NFAT5: variants seen among roughly 807,000 people sequenced by gnomAD.
The protein encoded by NFAT5 is nuclear factor of activated T cells 5.
A neutral mutation model predicts 166.5 loss-of-function variants in NFAT5; 31 were observed. The ratio of observed to expected loss-of-function variants is 0.19; its 90% CI spans 0.14 to 0.25. NFAT5 has a LOEUF of 0.25. Among genes scored for constraint, NFAT5 ranks in the 10% least tolerant of loss-of-function variants. NFAT5 has a pLI of 1.00. For missense variants in NFAT5, 1,449 were observed against 1,821.8 expected, an observed-to-expected ratio of 0.80 and a Z score of 3.72; for synonymous variants, 612 against 639.7, an observed-to-expected ratio of 0.96 and a Z score of 0.65.
chr16:69,568,780 T>C (rs144612294), intron 2 of NFAT5, among the ~76,000 whole-genome samples: 1,580 of 152,310 alleles, frequency 0.01, 10 homozygotes, highest in Non-Finnish European at 0.015. Context: ...AAAAAATCAT[T>C]TTAAATTATG....
At chr16:69,688,088 C>G (rs1006856536) in intron 11 of NFAT5, among the ~76,000 whole-genome samples, 33 of 149,162 alleles carry the variant, frequency 2.2e-4, no homozygotes, top group Admixed American at 1.5e-3. Flanking sequence ...CCCAGCTACT[C>G]GGGAGGCTGA....
chr16:69,657,881 C>T (rs1026523819), intron 6 of NFAT5, among the ~76,000 whole-genome samples: 6 of 150,792 alleles, frequency 4.0e-5, no homozygotes, highest in African/African-American at 9.7e-5. Context: ...GTCAGGAGAT[C>T]GAGACCATCC....
intron 9 of NFAT5, among the ~76,000 whole-genome samples, chr16:69,676,063 A>G (rs530885364): frequency 6.6e-6 from 1 of 152,308 alleles, no homozygotes; most frequent in African/African-American, 2.4e-5. Context: ...TTTCTATTCA[A>G]CTGAGTCAAC....
chr16:69,631,085 T>TATATTTTTTTAAA (rs2034693289), intron 3 of NFAT5, among the ~76,000 whole-genome samples: 1 of 152,228 alleles, frequency 6.6e-6, no homozygotes, highest in Non-Finnish European at 1.5e-5. Flanking sequence ...TTTTTCTAAG[T>TATATTTTTTTAAA]GGACTGTTTG....
intron 9 of NFAT5, among the ~76,000 whole-genome samples, chr16:69,673,968 G>A (rs757249955): frequency 6.6e-6 from 1 of 151,842 alleles, no homozygotes; most frequent in Non-Finnish European, 1.5e-5. Flanking sequence ...ATATTGCCAG[G>A]CGTGTGGCTC....
intron 6 of NFAT5, 133 bp from the exon 7 acceptor site, chr16:69,659,594 G>T: frequency 1.7e-6 from 1 of 591,694 alleles, no homozygotes; most frequent in Non-Finnish European, 2.7e-6. Flanking sequence ...TTTTGAACTT[G>T]GAACTTTGTA....
intron 9 of NFAT5, among the ~76,000 whole-genome samples, chr16:69,676,396 A>G (rs539073864): frequency 6.6e-6 from 1 of 152,326 alleles, no homozygotes; most frequent in East Asian, 1.9e-4. Flanking sequence ...ACTGAACCCA[A>G]TTTGACTTAA....
Position 69,693,440 on chromosome 16 carries a change from A to G in NFAT5, c.3615A>G (p.Pro1205=). 6.2e-7 allele frequency: 1 copy of G among 1,614,180 alleles called. No homozygotes were observed. Among genetic ancestry groups the G allele is most frequent in the South Asian group, 1.1e-5 (1 of 91,076 alleles). Residue 1205 remains proline, a synonymous_variant, in exon 13 of 15, where the codon CCA becomes CCG. Coordinates refer to ENST00000349945, the MANE Select transcript of NFAT5 (RefSeq NM_138713.4). ...EQQAAFQQQA[P]ISHIQTPMLS... ...AAGCTGCTTTCCAACAGCAAGCTCC[A>G]ATATCACACATCCAGACTCCTATGC...
chr16:69,684,630 CCTTG>C (rs1478224984), intron 10 of NFAT5, among the ~76,000 whole-genome samples: 1 of 151,968 alleles, frequency 6.6e-6, no homozygotes, highest in Admixed American at 6.6e-5. Flanking sequence ...TGATCACCCG[CCTTG>C]GCTTCCCAAA....
intron 9 of NFAT5, among the ~76,000 whole-genome samples, chr16:69,675,855 G>T (rs1197187882): frequency 2.6e-5 from 4 of 152,146 alleles, no homozygotes; most frequent in African/African-American, 7.2e-5. Flanking sequence ...TAACCAGGCT[G>T]TTCTCAAGCT....
chr16:69,660,596 A>C (rs146696931), intron 7 of NFAT5, among the ~76,000 whole-genome samples: 1 of 152,202 alleles, frequency 6.6e-6, no homozygotes, highest in Non-Finnish European at 1.5e-5. Flanking sequence ...AGAAGTTTCA[A>C]TTATTAATTA....
At chr16:69,648,370 A>G (rs2035535416) in intron 4 of NFAT5, 3 of 982,198 alleles carry the variant, frequency 3.1e-6, no homozygotes, top group Non-Finnish European at 1.2e-6. Context: ...CTAAATTGAG[A>G]GTTTGATTCT....
chr16:69,615,941 A>G (rs535430540), intron 2 of NFAT5, among the ~76,000 whole-genome samples: 80 of 152,026 alleles, frequency 5.3e-4, no homozygotes, highest in African/African-American at 1.9e-3. Context: ...CCTCCAGTCT[A>G]CTTGGTTTCT....
rs753332058 is a variant in NFAT5, at chr16:69,694,258, T to C, written c.4414+19T>C. On this transcript the variant is annotated intron_variant, in intron 13 of 14. Transcript: ENST00000349945. Reference sequence around the variant, plus strand: ...CAAAATAGTAAGAAACTCTAATTTTTCATTACTTAATTGGTCATTATTATT... The same window carrying C: ...CAAAATAGTAAGAAACTCTAATTTTCCATTACTTAATTGGTCATTATTATT... 1.9e-6 allele frequency: 3 copies of C among 1,566,170 alleles called. No individual in the cohort carries two copies. The highest frequency in any genetic ancestry group is 2.6e-6 in the Non-Finnish European group (3 of 1,147,244).
intron 2 of NFAT5, among the ~76,000 whole-genome samples, chr16:69,605,814 C>T (rs916840456): frequency 6.6e-6 from 1 of 151,982 alleles, no homozygotes; most frequent in Non-Finnish European, 1.5e-5. Flanking sequence ...CCCGGGTTCA[C>T]GCCATTCTCC....
At position 69,702,975 on chromosome 16, in the gene NFAT5, A is replaced by G. The variant is rs1465797736; in HGVS notation, c.*6624A>G. 1 of 152,692 alleles carries G rather than the reference A, an allele frequency of 6.5e-6. No individual in the cohort carries two copies. The highest frequency in any genetic ancestry group is 6.5e-5 in the Admixed American group (1 of 15,284). 9.5% of individuals were successfully genotyped at this position (152,692 alleles called of 1,614,324 possible). ...TTTACATTAAATGACTGATTTAAAT[A>G]TATAGGTGCAATGTTCTATGTTTAT... On this transcript the variant is annotated 3_prime_UTR_variant, in exon 15 of 15. Coordinates refer to ENST00000349945, the MANE Select transcript of NFAT5 (RefSeq NM_138713.4).
chr16:69,693,355 C>T lies in NFAT5; in HGVS notation c.3530C>T (p.Ala1177Val), dbSNP rs1393977626. Residue 1177 changes from alanine (A) to valine (V), a missense_variant, in exon 13 of 15, where the codon GCA becomes GTA. Ala to Val is a moderately conservative substitution (Grantham distance 64, BLOSUM62 0). This residue lies in a region of NFAT5 where 891 missense variants were observed against 993.0 expected (regional missense o/e 0.90). Coordinates refer to ENST00000349945, the MANE Select transcript of NFAT5 (RefSeq NM_138713.4). Reference sequence around the variant, plus strand: ...CAGACTAACACAGTAGCCCAAGAAGCATTTTTTGCAGCACCGAACTCAATT... The same window carrying T: ...CAGACTAACACAGTAGCCCAAGAAGTATTTTTTGCAGCACCGAACTCAATT... ...NLQTNTVAQE[A>V]FFAAPNSISP... 6.2e-7 allele frequency: 1 copy of T among 1,614,154 alleles called. No homozygotes were observed. The highest frequency in any genetic ancestry group is 1.7e-5 in the Admixed American group (1 of 60,004).
At chr16:69,689,886 GA>G (rs1159380856) in intron 11 of NFAT5, among the ~76,000 whole-genome samples, 1 of 152,202 alleles carries the variant, frequency 6.6e-6, no homozygotes, top group African/African-American at 2.4e-5. Context: ...AAAAATTTAT[GA>G]AGGGAGCGAT....
intron 7 of NFAT5, among the ~76,000 whole-genome samples, chr16:69,663,502 A>G (rs948222705): frequency 1.1e-4 from 16 of 146,896 alleles, no homozygotes; most frequent in African/African-American, 4.0e-4. Context: ...TGGGAGGCTG[A>G]GGAAGGAGAA....
Sources: allele counts gnomAD v4.1 joint callset (sites outside exome capture counted in the v4.1 genomes callset), GRCh38; gene constraint gnomAD v4.1.1; regional missense constraint gnomAD v4.1.1; transcripts MANE v1.5; gene names NCBI Gene and HGNC (gene_info 2026-07-23, HGNC 2026-07-21).